The following SH3GL3 variants were observed in gnomAD, a reference collection of about 807,000 sequenced individuals.
SH3GL3 encodes the protein endophilin-A3.
SH3GL3 carries 33 observed loss-of-function variants against 47.7 expected under a neutral mutation model. That is an observed-to-expected ratio of 0.69 (90% confidence interval 0.52 to 0.92). The LOEUF (loss-of-function observed/expected upper bound fraction) is 0.92, where lower values mean the gene tolerates loss of function less well. Ranked by LOEUF, SH3GL3 falls within the 40% of genes least tolerant of loss-of-function variation. The probability of loss-of-function intolerance (pLI) is 0.00; values close to 1 mark genes in which losing one functional copy is unlikely to be tolerated. For missense variants in SH3GL3, 363 were observed against 417.8 expected (o/e 0.87, Z 1.14); for synonymous variants, 155 against 148.8 (o/e 1.04, Z -0.30).
chr15:83,506,451 C>T (rs1273831187), intron 1 of SH3GL3, among the ~76,000 whole-genome samples: 1 of 152,182 alleles, frequency 6.6e-6, no homozygotes, highest in Non-Finnish European at 1.5e-5. Flanking sequence ...CTTTCTGACA[C>T]CTACTTGTAG....
intron 1 of SH3GL3, among the ~76,000 whole-genome samples, chr15:83,510,717 T>G (rs1345933703): frequency 1.3e-5 from 2 of 152,028 alleles, no homozygotes; most frequent in Non-Finnish European, 2.9e-5. Context: ...TGTGTCAATA[T>G]ACATGTAAAA....
intron 1 of SH3GL3, among the ~76,000 whole-genome samples, chr15:83,502,863 T>G (rs1403428158): frequency 1.3e-5 from 2 of 152,230 alleles, no homozygotes; most frequent in Non-Finnish European, 2.9e-5. Context: ...AGCCATCCTT[T>G]GGAGTATTAG....
chr15:83,595,870 T>C (rs941693149), intron 8 of SH3GL3, among the ~76,000 whole-genome samples: 2 of 152,154 alleles, frequency 1.3e-5, no homozygotes, highest in Admixed American at 6.5e-5. Context: ...AAATTGGTAA[T>C]TTTTGTCTTT....
intron 1 of SH3GL3, among the ~76,000 whole-genome samples, chr15:83,460,056 G>GCCTCCCTC (rs764377371): frequency 2.4e-5 from 1 of 41,250 alleles, no homozygotes; most frequent in Non-Finnish European, 4.1e-5. Context: ...CTCCCTCCCT[G>GCCTCCCTC]CCTCCCTCCC....
chr15:83,583,039 G>A (rs767037795), intron 6 of SH3GL3, among the ~76,000 whole-genome samples: 6 of 152,212 alleles, frequency 3.9e-5, no homozygotes, highest in Non-Finnish European at 8.8e-5. Context: ...AGAGGTCTTT[G>A]ATATGATAGA....
chr15:83,574,037 G>A (rs1413360666), intron 5 of SH3GL3, among the ~76,000 whole-genome samples: 1 of 152,198 alleles, frequency 6.6e-6, no homozygotes, highest in African/African-American at 2.4e-5. Context: ...GGGAGACTGG[G>A]GTGGGCAAAA....
At chr15:83,474,994 C>A (rs1007029336) in intron 1 of SH3GL3, among the ~76,000 whole-genome samples, 18 of 151,174 alleles carry the variant, frequency 1.2e-4, no homozygotes, top group African/African-American at 4.4e-4. Flanking sequence ...ATTTAGGAAT[C>A]TTTTGAGAAC....
chr15:83,491,003 T>C (rs779728312), intron 1 of SH3GL3: 9 of 1,562,796 alleles, frequency 5.8e-6, no homozygotes, highest in Non-Finnish European at 7.8e-6. Flanking sequence ...AAGGTACAGA[T>C]CTTCATGGTG....
At chr15:83,484,901 A>G (rs1455171004) in intron 1 of SH3GL3, among the ~76,000 whole-genome samples, 1 of 152,222 alleles carries the variant, frequency 6.6e-6, no homozygotes, top group African/African-American at 2.4e-5. Context: ...TCTGTTGCGA[A>G]CAACAATGTG....
chr15:83,588,468 T>C (rs1379055435), intron 7 of SH3GL3, among the ~76,000 whole-genome samples, 194 bp from the exon 8 acceptor site: 2 of 152,170 alleles, frequency 1.3e-5, no homozygotes, highest in African/African-American at 2.4e-5. Context: ...CAAGCTCAAA[T>C]AGGGAGTTGA....
At chr15:83,498,457 G>A (rs193024934) in intron 1 of SH3GL3, among the ~76,000 whole-genome samples, 14 of 152,276 alleles carry the variant, frequency 9.2e-5, no homozygotes, top group African/African-American at 3.1e-4. Flanking sequence ...TCAATATGTA[G>A]TAACTTCCAC....
At chr15:83,610,122 A>G (rs1240853279) in intron 8 of SH3GL3, among the ~76,000 whole-genome samples, 1 of 152,194 alleles carries the variant, frequency 6.6e-6, no homozygotes, top group East Asian at 1.9e-4. Context: ...TAGGTAGAGA[A>G]TGCTCTTAGA....
At chr15:83,553,958 T>C (rs1173421525) in intron 1 of SH3GL3, among the ~76,000 whole-genome samples, 1 of 152,180 alleles carries the variant, frequency 6.6e-6, no homozygotes, top group East Asian at 1.9e-4. Flanking sequence ...TGTAATACTT[T>C]AGCATCACTG....
chr15:83,463,268 GAT>G (rs1313532575), intron 1 of SH3GL3, among the ~76,000 whole-genome samples: 10 of 152,200 alleles, frequency 6.6e-5, no homozygotes, highest in Non-Finnish European at 1.3e-4. Flanking sequence ...TAGCAATTCA[GAT>G]AAGATGCTCT....
chr15:83,545,633 A>G (rs143513162), intron 1 of SH3GL3, among the ~76,000 whole-genome samples: 2 of 152,298 alleles, frequency 1.3e-5, no homozygotes, highest in East Asian at 3.9e-4. Flanking sequence ...AATCTTCACA[A>G]TCTGGGCTTG....
chr15:83,559,294 A>G lies in SH3GL3; in HGVS notation c.87A>G (p.Leu29=), dbSNP rs767889608. 1.3e-6 allele frequency: 2 copies of G among 1,593,418 alleles called. No individual in the cohort carries two copies. Among genetic ancestry groups the G allele is most frequent in the African/African-American group, 2.7e-5 (2 of 74,548 alleles). Residue 29 remains leucine (L), a synonymous_variant, in exon 2 of 9, where the codon CTA becomes CTG. Coordinates refer to ENST00000427482, the MANE Select transcript of SH3GL3 (RefSeq NM_003027.5). Reference sequence around the variant, plus strand: ...TAAGTGGTGCTGAAGGAACTAAACTAGACGATGAATTTCTTGACATGGAAA... The same window carrying G: ...TAAGTGGTGCTGAAGGAACTAAACTGGACGATGAATTTCTTGACATGGAAA... The part of the protein sequence containing the change: ...EKISGAEGTK[L]DDEFLDMERK...
At chr15:83,628,685 G>A in the SH3GL3 span, among the ~76,000 whole-genome samples, 1 of 152,290 alleles carries the variant, frequency 6.6e-6, no homozygotes, top group East Asian at 1.9e-4. Context: ...GGAGATTACA[G>A]TGAGCTGAGA....
intron 6 of SH3GL3, among the ~76,000 whole-genome samples, chr15:83,581,261 C>A (rs1235413402): frequency 6.6e-6 from 1 of 152,206 alleles, no homozygotes; most frequent in Non-Finnish European, 1.5e-5. Flanking sequence ...GGCCAACAGG[C>A]CATTTGCAGG....
intron 1 of SH3GL3, among the ~76,000 whole-genome samples, chr15:83,547,805 G>T (rs2044479207): frequency 6.9e-6 from 1 of 145,878 alleles, no homozygotes; most frequent in African/African-American, 2.5e-5. Flanking sequence ...GCTGGCTGAT[G>T]CTTCTTGTCT....
Sources: allele counts gnomAD v4.1 joint callset (sites outside exome capture counted in the v4.1 genomes callset), GRCh38; gene constraint gnomAD v4.1.1; transcripts MANE v1.5; gene names NCBI Gene and HGNC (gene_info 2026-07-23, HGNC 2026-07-21).